Variants in LCORL observed in about 807,000 individuals in gnomAD.
LCORL encodes the protein ligand dependent nuclear receptor corepressor like, also known as ligand-dependent nuclear receptor corepressor-like protein.
In LCORL, 41 loss-of-function variants were observed where a neutral mutation model predicts 141.8. The ratio of observed to expected loss-of-function variants is 0.29; its 90% CI spans 0.23 to 0.38. LCORL has a LOEUF of 0.38. LCORL is among the 10% of genes least tolerant of loss of function. LCORL has a pLI of 1.00. For synonymous variants in LCORL, 618 were observed against 694.1 expected (o/e 0.89, Z 1.72); for missense variants, 1,759 against 2,035.0 (o/e 0.86, Z 2.61).
intron 1 of LCORL, among the ~76,000 whole-genome samples, chr4:17,988,965 C>G (rs2109765182): frequency 6.6e-6 from 1 of 152,320 alleles, no homozygotes; most frequent in Non-Finnish European, 1.5e-5. Flanking sequence ...GCCTGGGGGA[C>G]AGAGTGAGAC....
chr4:17,867,068 G>T (rs1342219461), intron 7 of LCORL: 1 of 716,358 alleles, frequency 1.4e-6, no homozygotes, highest in African/African-American at 1.9e-5. Context: ...AATACAACTG[G>T]TGTTCATGGC....
At chr4:17,978,764 G>A (rs947290324) in intron 1 of LCORL, among the ~76,000 whole-genome samples, 2 of 152,112 alleles carry the variant, frequency 1.3e-5, no homozygotes, top group Non-Finnish European at 1.5e-5. Context: ...CTACACACAC[G>A]AACTGGTTTT....
intron 6 of LCORL, chr4:17,881,449 T>C (rs1727564242): frequency 1.1e-6 from 1 of 870,536 alleles, no homozygotes; most frequent in Non-Finnish European, 1.4e-6. Flanking sequence ...ATGGGTTGAT[T>C]ATTACCTATA....
chr4:17,983,394 T>C (rs951622587), intron 1 of LCORL, among the ~76,000 whole-genome samples: 8 of 152,214 alleles, frequency 5.3e-5, no homozygotes, highest in Admixed American at 4.6e-4. Flanking sequence ...TTCCTATCCA[T>C]GAGCAAAGAA....
In LCORL at chr4:17,874,674, A is replaced by T; in HGVS notation, c.4316T>A (p.Leu1439Ter). The T allele has an allele frequency of 8.1e-7, 1 of 1,233,822 alleles. No homozygotes were observed. Among genetic ancestry groups the T allele is most frequent in the Non-Finnish European group, 1.0e-6 (1 of 987,796 alleles). 76.4% of individuals were successfully genotyped at this position (1,233,822 alleles called of 1,614,324 possible). A position where few individuals can be genotyped will look rare whatever the true frequency, so the allele number is the denominator to read the frequency against. Residue 1439 changes from leucine (L) to a stop codon, truncating the protein, a stop_gained, in exon 7 of 8, where the codon TTA becomes TAA. Coordinates refer to ENST00000635767, the Ensembl canonical transcript of LCORL. LOFTEE classifies it high-confidence loss of function. The stretch of plus-strand genomic sequence containing the variant: ...TGTTATTTGCTCAAATCTATTGTTT[A>T]ATTCCTCTAATAAGGAATCATTTGA...
intron 4 of LCORL, among the ~76,000 whole-genome samples, chr4:17,911,101 T>C (rs1237406683): frequency 2.0e-5 from 3 of 152,162 alleles, no homozygotes; most frequent in Non-Finnish European, 4.4e-5. Context: ...TAATAGAACC[T>C]GGGATACTAT....
chr4:17,984,187 T>G (rs1718527230), intron 1 of LCORL, among the ~76,000 whole-genome samples: 1 of 152,166 alleles, frequency 6.6e-6, no homozygotes, highest in East Asian at 1.9e-4. Flanking sequence ...TTGTTGAGGA[T>G]TTTTGCATCT....
At chr4:17,872,142 A>G (rs1726417739) in intron 7 of LCORL, among the ~76,000 whole-genome samples, 1 of 151,932 alleles carries the variant, frequency 6.6e-6, no homozygotes, top group African/African-American at 2.4e-5. Flanking sequence ...TGATGCAACT[A>G]TATAATATCT....
At chr4:17,895,517 C>A (rs997716386) in intron 5 of LCORL, among the ~76,000 whole-genome samples, 1 of 152,090 alleles carries the variant, frequency 6.6e-6, no homozygotes, top group Non-Finnish European at 1.5e-5. Context: ...AAATAGTATT[C>A]CACTTTGTAT....
intron 4 of LCORL, among the ~76,000 whole-genome samples, chr4:17,939,314 A>G (rs1390691963): frequency 6.6e-6 from 1 of 152,246 alleles, no homozygotes; most frequent in Non-Finnish European, 1.5e-5. Context: ...TAATTCTTAC[A>G]TATTGCTAGT....
intron 4 of LCORL, among the ~76,000 whole-genome samples, chr4:17,920,206 G>A (rs1734069708): frequency 6.6e-6 from 1 of 152,202 alleles, no homozygotes; most frequent in African/African-American, 2.4e-5. Flanking sequence ...GATAGTATCA[G>A]AATTGAATTA....
chr4:17,870,250 G>A (rs1726182495), intron 7 of LCORL, among the ~76,000 whole-genome samples: 1 of 152,142 alleles, frequency 6.6e-6, no homozygotes, highest in Non-Finnish European at 1.5e-5. Context: ...CAAGGTGTGG[G>A]CTACCACACT....
exon 2 of LCORL, chr4:17,972,851 T>C: frequency 6.9e-7 from 1 of 1,440,328 alleles, no homozygotes; most frequent in Non-Finnish European, 9.1e-7. Context: ...TTCGTAGCCG[T>C]GGTCCATAAA....
chr4:17,844,849 T>C (rs1722768209), exon 8 of LCORL: 1 of 152,116 alleles, frequency 6.6e-6, no homozygotes, highest in South Asian at 2.1e-4. Context: ...ATGGGAAAAA[T>C]AAATTTAAGC....
intron 7 of LCORL, among the ~76,000 whole-genome samples, chr4:17,852,306 TAA>T (rs1723835334): frequency 6.6e-6 from 1 of 152,034 alleles, no homozygotes; most frequent in South Asian, 2.1e-4. Flanking sequence ...GGGAAAAATG[TAA>T]AGACCTGGGC....
At chr4:17,998,964 C>CAAAA (rs775544332) in intron 1 of LCORL, among the ~76,000 whole-genome samples, 16 of 44,812 alleles carry the variant, frequency 3.6e-4, no homozygotes, top group African/African-American at 1.2e-3. Flanking sequence ...GACCCTGTCT[C>CAAAA]AAAAAAAAAA....
chr4:18,017,965 TAG>T (rs1336968891), intron 1 of LCORL, among the ~76,000 whole-genome samples: 4 of 152,168 alleles, frequency 2.6e-5, no homozygotes, highest in Non-Finnish European at 5.9e-5. Flanking sequence ...TGAAAAAATA[TAG>T]AGAGATCAGT....
At chr4:17,961,877 T>G (rs745744614) in intron 4 of LCORL, 26 bp downstream of exon 4, 159 of 1,582,622 alleles carry the variant, frequency 1.0e-4, no homozygotes, top group Non-Finnish European at 1.3e-4. Flanking sequence ...TTGCAAATTT[T>G]AAATGACAAA....
At chr4:17,848,846 C>A (rs887309460) in intron 7 of LCORL, among the ~76,000 whole-genome samples, 8 of 152,116 alleles carry the variant, frequency 5.3e-5, no homozygotes, top group Non-Finnish European at 1.2e-4. Flanking sequence ...GCTTTTCCGA[C>A]GGGCTTAAAA....
Sources: gnomAD v4.1 joint callset for allele counts (sites outside exome capture counted in the v4.1 genomes callset) on GRCh38, gnomAD v4.1.1 for gene constraint, MANE v1.5 for transcripts, NCBI Gene and HGNC (gene_info 2026-07-23, HGNC 2026-07-21) for gene names.